Variants in SLCO2B1 observed in about 807,000 individuals in gnomAD.
SLCO2B1 encodes the protein OATP-RP2.
In SLCO2B1, 41 loss-of-function variants were observed where a neutral mutation model predicts 67.3. The observed-to-expected ratio is 0.61, with a 90% CI of 0.47 to 0.79. The LOEUF is 0.79. Ranked by LOEUF, SLCO2B1 falls within the 30% of genes least tolerant of loss-of-function variation. The pLI is 0.00. For missense variants in SLCO2B1, 837 were observed against 920.1 expected (o/e 0.91, Z 1.17); for synonymous variants, 379 against 381.4 (o/e 0.99, Z 0.07).
intron 7 of SLCO2B1, among the ~76,000 whole-genome samples, chr11:75,173,543 G>A (rs1949990383): frequency 6.6e-6 from 1 of 152,186 alleles, no homozygotes; most frequent in Non-Finnish European, 1.5e-5. Context: ...TGATGCTCCA[G>A]GGGTATCTAG....
chr11:75,183,483 T>A (rs1950112162), intron 7 of SLCO2B1, among the ~76,000 whole-genome samples: 1 of 149,076 alleles, frequency 6.7e-6, no homozygotes. Context: ...AATTCTCCAG[T>A]CCTGCATCAG....
At chr11:75,158,552 G>C (rs892784229) in intron 1 of SLCO2B1, among the ~76,000 whole-genome samples, 1 of 152,134 alleles carries the variant, frequency 6.6e-6, no homozygotes, top group Non-Finnish European at 1.5e-5. Flanking sequence ...CCTATTTCAG[G>C]GTGAAAGGTG....
chr11:75,164,131 C>T (rs376064828), intron 3 of SLCO2B1, 31 bp downstream of exon 3: 115 of 1,598,372 alleles, frequency 7.2e-5, no homozygotes, highest in Non-Finnish European at 9.6e-5. Flanking sequence ...CAGGGGTGGA[C>T]ACTGAGGGAG....
At chr11:75,197,990 G>A (rs1269943102) in intron 10 of SLCO2B1, among the ~76,000 whole-genome samples, 1 of 152,218 alleles carries the variant, frequency 6.6e-6, no homozygotes, top group Non-Finnish European at 1.5e-5. Flanking sequence ...CATCAGGCTG[G>A]TGGTTATGAC....
chr11:75,186,721 C>G (rs1216499763), intron 7 of SLCO2B1, among the ~76,000 whole-genome samples: 1 of 152,156 alleles, frequency 6.6e-6, no homozygotes, highest in Non-Finnish European at 1.5e-5. Flanking sequence ...AGCAAAATAA[C>G]TAAATTACAC....
intron 6 of SLCO2B1, 91 bp from the exon 7 acceptor site, chr11:75,172,288 C>A: frequency 8.2e-7 from 1 of 1,222,922 alleles, no homozygotes; most frequent in Non-Finnish European, 1.1e-6. Flanking sequence ...GCCTGGGCCA[C>A]CTCATGTCTC....
intron 2 of SLCO2B1, among the ~76,000 whole-genome samples, chr11:75,163,388 T>C (rs10899079): frequency 0.26 from 40,017 of 151,984 alleles, 6,030 homozygotes; most frequent in Admixed American, 0.39. Context: ...TCCAGGCAGG[T>C]TGCGATGTTT....
At chr11:75,160,136 TCTG>T (rs1949799751) in intron 1 of SLCO2B1, among the ~76,000 whole-genome samples, 3 of 152,228 alleles carry the variant, frequency 2.0e-5, no homozygotes, top group Admixed American at 2.0e-4. Flanking sequence ...GTCAAGGACT[TCTG>T]CTCCCAGCCT....
At chr11:75,196,245 G>A (rs1348029918) in intron 9 of SLCO2B1, 3 of 423,804 alleles carry the variant, frequency 7.1e-6, no homozygotes, top group African/African-American at 6.1e-5. Context: ...AATTTATCTT[G>A]TATACCCTGT....
intron 1 of SLCO2B1, among the ~76,000 whole-genome samples, chr11:75,153,097 C>G (rs1243167535): frequency 1.3e-5 from 2 of 152,212 alleles, no homozygotes; most frequent in African/African-American, 4.8e-5. Flanking sequence ...ATTTCATCTT[C>G]CCACCTGTTC....
chr11:75,201,173 C>G (rs1277611085), intron 11 of SLCO2B1: 2 of 151,886 alleles, frequency 1.3e-5, no homozygotes, highest in African/African-American at 2.4e-5. Context: ...ATTACAGGCA[C>G]CCGCCACCAC....
intron 4 of SLCO2B1, among the ~76,000 whole-genome samples, chr11:75,168,094 T>A (rs1426095851): frequency 6.6e-6 from 1 of 152,088 alleles, no homozygotes; most frequent in Non-Finnish European, 1.5e-5. Context: ...GATTTCTCCA[T>A]GTTGGCCAGC....
intron 4 of SLCO2B1, among the ~76,000 whole-genome samples, chr11:75,168,676 A>T (rs1766375245): frequency 6.6e-6 from 1 of 152,026 alleles, no homozygotes; most frequent in Non-Finnish European, 1.5e-5. Context: ...CCTTGCCCTC[A>T]TACTTTGTGA....
In SLCO2B1 at chr11:75,162,662, G is replaced by A. The variant is rs373852428; in HGVS notation, c.24G>A (p.Ala8=). ...TGGTTTTCTGTCCCTCAGGGCCAGC[G>A]GGTGAGGTACCCCAGGTACCAGACA... The part of the protein sequence containing the change: MGPRIGP[A]GEVPQVPDKE... The change falls in exon 2 of 14, where the codon GCG becomes GCA. Residue 8 remains alanine (A), a synonymous_variant. Coordinates refer to ENST00000289575, the MANE Select transcript of SLCO2B1 (RefSeq NM_007256.5). 17 of 1,613,152 alleles carry A rather than the reference G, an allele frequency of 1.1e-5. No homozygotes were observed. The highest frequency in any genetic ancestry group is 5.5e-5 in the South Asian group (5 of 90,934).
At chr11:75,183,494 G>A (rs1950112310) in intron 7 of SLCO2B1, among the ~76,000 whole-genome samples, 1 of 152,108 alleles carries the variant, frequency 6.6e-6, no homozygotes, top group South Asian at 2.1e-4. Flanking sequence ...CCTGCATCAG[G>A]GCTGTCTGAC....
At chr11:75,176,440 A>G (rs566271519) in intron 7 of SLCO2B1, among the ~76,000 whole-genome samples, 2 of 152,324 alleles carry the variant, frequency 1.3e-5, no homozygotes, top group African/African-American at 4.8e-5. Flanking sequence ...TATTTCTGGA[A>G]TATGTCTGAG....
intron 6 of SLCO2B1, among the ~76,000 whole-genome samples, chr11:75,170,472 C>T (rs940197259): frequency 1.7e-4 from 26 of 152,108 alleles, no homozygotes; most frequent in East Asian, 1.9e-4. Context: ...AGAGCAGTAG[C>T]GTACTCCTGT....
intron 9 of SLCO2B1, 37 bp from the exon 10 acceptor site, chr11:75,196,477 A>G (rs529873863): frequency 6.3e-7 from 1 of 1,597,360 alleles, no homozygotes; most frequent in East Asian, 2.2e-5. Flanking sequence ...TAAGGGAGGG[A>G]AGCCAGGCCA....
intron 12 of SLCO2B1, 38 bp from the exon 13 acceptor site, chr11:75,203,269 G>A: frequency 6.2e-7 from 1 of 1,606,924 alleles, no homozygotes; most frequent in Non-Finnish European, 8.5e-7. Flanking sequence ...GGGTAGGACG[G>A]TGGGCCTTCA....
Sources: allele counts gnomAD v4.1 joint callset (sites outside exome capture counted in the v4.1 genomes callset), GRCh38; gene constraint gnomAD v4.1.1; transcripts MANE v1.5; gene names NCBI Gene and HGNC (gene_info 2026-07-23, HGNC 2026-07-21).